AGBL1: variants seen among roughly 807,000 people sequenced by gnomAD.
AGBL1 encodes the protein cytosolic carboxypeptidase 4.
In AGBL1, 130 loss-of-function variants were observed where a neutral mutation model predicts 118.9. The observed-to-expected ratio is 1.09, with a 90% CI of 0.95 to 1.26. The LOEUF is 1.26. Ranked by LOEUF, AGBL1 falls within the 50% of genes most tolerant of loss-of-function variation. The pLI, the probability that AGBL1 is intolerant of heterozygous loss-of-function variation, is 0.00. For synonymous variants in AGBL1, 555 were observed against 478.9 expected, an observed-to-expected ratio of 1.16 and a Z score of -2.08; for missense variants, 1,584 against 1,298.1, an observed-to-expected ratio of 1.22 and a Z score of -3.38.
chr15:86,795,884 C>T (rs1317384425), intron 22 of AGBL1, among the ~76,000 whole-genome samples: 1 of 151,516 alleles, frequency 6.6e-6, no homozygotes, highest in Non-Finnish European at 1.5e-5. Flanking sequence ...TCCTGCCTGG[C>T]CGGTTTCTGC....
chr15:86,185,907 TA>T (rs1334482027), intron 5 of AGBL1, among the ~76,000 whole-genome samples: 1 of 152,094 alleles, frequency 6.6e-6, no homozygotes, highest in Admixed American at 6.6e-5. Flanking sequence ...GAGTATAATT[TA>T]AAAAAATCGT....
chr15:86,436,941 A>T (rs373029378), intron 18 of AGBL1, among the ~76,000 whole-genome samples: 1 of 152,164 alleles, frequency 6.6e-6, no homozygotes, highest in Non-Finnish European at 1.5e-5. Context: ...AAAGTAAAAC[A>T]AACTGGCCTT....
chr15:86,844,848 CTA>C (rs1446920784), intron 22 of AGBL1, among the ~76,000 whole-genome samples: 1 of 152,016 alleles, frequency 6.6e-6, no homozygotes, highest in African/African-American at 2.4e-5. Context: ...CTCTTATGTT[CTA>C]TGAGTCAATT....
chr15:86,472,316 G>A (rs1596157552), intron 18 of AGBL1, among the ~76,000 whole-genome samples: 2 of 152,290 alleles, frequency 1.3e-5, no homozygotes, highest in South Asian at 2.1e-4. Flanking sequence ...ACCTGGTTAA[G>A]GTTCAGGCAT....
chr15:86,670,075 G>T (rs1309610159), intron 21 of AGBL1, among the ~76,000 whole-genome samples: 1 of 151,782 alleles, frequency 6.6e-6, no homozygotes, highest in Non-Finnish European at 1.5e-5. Flanking sequence ...GACACTTATG[G>T]TTTTATTTCC....
At chr15:86,349,324 AACC>A (rs1274922701) in intron 17 of AGBL1, among the ~76,000 whole-genome samples, 1 of 152,238 alleles carries the variant, frequency 6.6e-6, no homozygotes, top group Non-Finnish European at 1.5e-5. Flanking sequence ...TGCACAAGAC[AACC>A]ACCTATAACA....
Position 86,314,739 on chromosome 15 carries a change from C to T in AGBL1, c.2374+19331C>T, listed in dbSNP as rs117667115. Among the ~76,000 whole-genome samples, 84 of 152,276 alleles carry T rather than the reference C, an allele frequency of 5.5e-4. No individual in the cohort carries two copies. The East Asian group carries it at 0.011, about 20-fold the overall frequency. ...TTCCCCAGTAGGAAGTCCCTTTAATCCTGAGCACCTCACTCAGAAACCAGC... is the reference window on the plus strand; with the variant it reads ...TTCCCCAGTAGGAAGTCCCTTTAATTCTGAGCACCTCACTCAGAAACCAGC... On this transcript the variant is annotated intron_variant, in intron 17 of 22. Transcript: ENST00000614907.
rs929491552 is a variant in AGBL1 at position 86,397,396 on chromosome 15, G to A, written c.2405G>A (p.Arg802Gln). 6 of 1,610,236 alleles carry A rather than the reference G, an allele frequency of 3.7e-6. No individual in the cohort carries two copies. Among genetic ancestry groups the A allele is most frequent in the South Asian group, 2.2e-5 (2 of 90,538 alleles). Residue 802 changes from arginine to glutamine, a missense_variant, in exon 18 of 23, where the codon CGA (arginine) becomes CAA (glutamine). By Grantham distance (43) the Arg-to-Gln change is conservative. Transcript: ENST00000614907. ...CGTCCATATCAGGTGATCACTGCTC[G>A]AGTTCATCCAGGAGAGAGCAATGCC... ...RHRPYQVITA[R>Q]VHPGESNASW... is the part of the protein sequence containing the mutation.
At chr15:86,124,635 T>C (rs1898306246) in intron 1 of AGBL1, among the ~76,000 whole-genome samples, 2 of 152,204 alleles carry the variant, frequency 1.3e-5, no homozygotes, top group Non-Finnish European at 2.9e-5. Context: ...TACTGACCCA[T>C]CAGGTGGTTT....
At chr15:86,790,800 T>C (rs756473661) in intron 22 of AGBL1, among the ~76,000 whole-genome samples, 13 of 151,816 alleles carry the variant, frequency 8.6e-5, no homozygotes, top group Non-Finnish European at 1.8e-4. Context: ...ATTTAGAAAA[T>C]GTATAACAGT....
intron 19 of AGBL1, among the ~76,000 whole-genome samples, chr15:86,539,189 T>A (rs1231025805): frequency 1.3e-5 from 2 of 152,204 alleles, no homozygotes; most frequent in South Asian, 2.1e-4. Context: ...GGAAACTAGA[T>A]GAAACTACAC....
chr15:86,269,831 C>T (rs2079129622), intron 13 of AGBL1, 88 bp from the exon 14 acceptor site: 2 of 1,456,092 alleles, frequency 1.4e-6, no homozygotes, highest in Non-Finnish European at 1.9e-6. Context: ...ATCTGTAACC[C>T]AGAAACTGAA....
At chr15:86,628,198 T>C (rs900081270) in intron 21 of AGBL1, among the ~76,000 whole-genome samples, 3 of 152,172 alleles carry the variant, frequency 2.0e-5, no homozygotes, top group African/African-American at 7.2e-5. Context: ...CGATTTGTAA[T>C]AATAGGTCTG....
At chr15:86,481,570 G>A (rs1002037383) in intron 18 of AGBL1, among the ~76,000 whole-genome samples, 3 of 152,186 alleles carry the variant, frequency 2.0e-5, no homozygotes, top group Non-Finnish European at 2.9e-5. Flanking sequence ...TTTATGGCAC[G>A]ACTATCCTGT....
chr15:86,796,969 A>G (rs954162382), intron 22 of AGBL1, among the ~76,000 whole-genome samples: 2 of 152,244 alleles, frequency 1.3e-5, no homozygotes, highest in Non-Finnish European at 2.9e-5. Context: ...GAGGTGGTGC[A>G]GTTGTACAGA....
intron 5 of AGBL1, among the ~76,000 whole-genome samples, chr15:86,213,581 G>A (rs374838087): frequency 1.3e-5 from 2 of 152,132 alleles, no homozygotes; most frequent in East Asian, 1.9e-4. Context: ...TGGTCTCAGT[G>A]ATCGCTGGTG....
intron 5 of AGBL1, among the ~76,000 whole-genome samples, chr15:86,202,462 T>A (rs986205211): frequency 6.6e-6 from 1 of 152,202 alleles, no homozygotes; most frequent in Non-Finnish European, 1.5e-5. Flanking sequence ...AAAAAGTTAA[T>A]CTTCTTAAGT....
At chr15:86,188,543 A>G (rs915423506) in intron 5 of AGBL1, among the ~76,000 whole-genome samples, 2 of 152,228 alleles carry the variant, frequency 1.3e-5, no homozygotes, top group Non-Finnish European at 2.9e-5. Flanking sequence ...AAGGAAATAA[A>G]AAGATATTAC....
intron 6 of AGBL1, among the ~76,000 whole-genome samples, chr15:86,244,290 T>C (rs1715564272): frequency 6.6e-6 from 1 of 152,142 alleles, no homozygotes; most frequent in Non-Finnish European, 1.5e-5. Context: ...TATTCAAAAA[T>C]GCACCTCATC....
Sources: gnomAD v4.1 joint callset for allele counts (sites outside exome capture counted in the v4.1 genomes callset) on GRCh38, gnomAD v4.1.1 for gene constraint, MANE v1.5 for transcripts, NCBI Gene and HGNC (gene_info 2026-07-23, HGNC 2026-07-21) for gene names.